LRP1B: variants seen among roughly 807,000 people sequenced by gnomAD.
The protein encoded by LRP1B is low-density lipoprotein receptor-related protein 1B.
LRP1B carries 217 observed loss-of-function variants against 556.6 expected under a neutral mutation model. The ratio of observed to expected loss-of-function variants is 0.39; its 90% CI spans 0.35 to 0.44. The LOEUF (loss-of-function observed/expected upper bound fraction) is 0.44, where lower values mean the gene tolerates loss of function less well. Ranked by LOEUF, LRP1B falls within the 20% of genes least tolerant of loss-of-function variation. The pLI, the probability that LRP1B is intolerant of heterozygous loss-of-function variation, is 1.00. For synonymous variants in LRP1B, 2,047 were observed against 1,865.8 expected (o/e 1.10, Z -2.50); for missense variants, 5,053 against 5,620.8 (o/e 0.90, Z 3.23).
At chr2:140,233,374 C>T (rs756698688) in intron 90 of LRP1B, 48 bp from the exon 91 acceptor site, 2 of 1,355,596 alleles carry the variant, frequency 1.5e-6, no homozygotes, top group East Asian at 5.1e-5. Flanking sequence ...GTCTTGGCCA[C>T]ATTAATTATT....
intron 3 of LRP1B, among the ~76,000 whole-genome samples, chr2:141,295,558 T>C (rs186246238): frequency 1.8e-4 from 28 of 152,168 alleles, no homozygotes; most frequent in African/African-American, 6.8e-4. Flanking sequence ...CTCTTTAGCA[T>C]TTGTTTCCTC....
intron 2 of LRP1B, among the ~76,000 whole-genome samples, chr2:141,741,318 C>T (rs899709841): frequency 9.3e-6 from 1 of 108,054 alleles, no homozygotes; most frequent in African/African-American, 3.6e-5. Flanking sequence ...AGTAGGATTA[C>T]TAGACATTAC....
At chr2:141,602,188 T>C (rs1326354811) in intron 2 of LRP1B, among the ~76,000 whole-genome samples, 1 of 152,186 alleles carries the variant, frequency 6.6e-6, no homozygotes, top group African/African-American at 2.4e-5. Context: ...GGTCTCTGAA[T>C]AGTCTTCAGT....
chr2:141,084,114 A>G (rs1699989710), intron 7 of LRP1B, among the ~76,000 whole-genome samples: 1 of 152,312 alleles, frequency 6.6e-6, no homozygotes, highest in South Asian at 2.1e-4. Flanking sequence ...TTAGTAGAGT[A>G]CCTGGCATTT....
rs116842410 is a variant in LRP1B, at chr2:140,401,829, C to T, written c.10415-15820G>A. Among the ~76,000 whole-genome samples, 247 of 152,320 alleles carry T rather than the reference C, an allele frequency of 1.6e-3. 4 individuals are homozygous for T. The East Asian group carries it at 0.042, about 26-fold the overall frequency. On this transcript the variant is annotated intron_variant, in intron 66 of 90. Coordinates refer to ENST00000389484, the MANE Select transcript of LRP1B (RefSeq NM_018557.3). ...AGATAAAACCAGTGTGCAATCTCAG[C>T]TATCACCATTGCCTGCAACACCCTG...
intron 1 of LRP1B, among the ~76,000 whole-genome samples, chr2:141,969,769 A>C (rs1372906083): frequency 6.6e-6 from 1 of 151,590 alleles, no homozygotes; most frequent in African/African-American, 2.4e-5. Context: ...ATCCTGGTAG[A>C]GGGATTTACT....
chr2:141,712,634 G>A (rs1692403561), intron 2 of LRP1B, among the ~76,000 whole-genome samples: 1 of 151,926 alleles, frequency 6.6e-6, no homozygotes, highest in African/African-American at 2.4e-5. Flanking sequence ...CATACTGAGT[G>A]CTCAGTAAAC....
chr2:141,861,790 C>G (rs1356374673), intron 1 of LRP1B, among the ~76,000 whole-genome samples: 2 of 151,986 alleles, frequency 1.3e-5, no homozygotes, highest in African/African-American at 4.8e-5. Context: ...ATTAGCCGGG[C>G]ATGATGGCAG....
chr2:141,186,309 G>A, intron 7 of LRP1B, among the ~76,000 whole-genome samples: 1 of 148,466 alleles, frequency 6.7e-6, no homozygotes, highest in Non-Finnish European at 1.5e-5. Context: ...GGAATTTTAG[G>A]CGCAGAACAT....
At chr2:141,768,873 A>ATGTGTGTG (rs57439402) in intron 2 of LRP1B, among the ~76,000 whole-genome samples, 1 of 150,670 alleles carries the variant, frequency 6.6e-6, no homozygotes, top group Non-Finnish European at 1.5e-5. Flanking sequence ...AGATACAGAT[A>ATGTGTGTG]TGTGTGTGTG....
intron 18 of LRP1B, among the ~76,000 whole-genome samples, chr2:140,955,096 C>T (rs936174500): frequency 6.6e-6 from 1 of 151,878 alleles, no homozygotes; most frequent in African/African-American, 2.4e-5. Context: ...ATCAAGAAGT[C>T]AGAAGAGATA....
chr2:141,000,427 G>A (rs959834989), intron 15 of LRP1B, among the ~76,000 whole-genome samples: 1 of 152,112 alleles, frequency 6.6e-6, no homozygotes, highest in Non-Finnish European at 1.5e-5. Context: ...AGGTTCTTAA[G>A]TGGATGTGAG....
At chr2:141,531,164 T>C (rs1684858826) in intron 2 of LRP1B, among the ~76,000 whole-genome samples, 1 of 152,116 alleles carries the variant, frequency 6.6e-6, no homozygotes, top group South Asian at 2.1e-4. Flanking sequence ...GCTCTGTACC[T>C]GGGAGAGTTA....
At chr2:140,672,092 A>T (rs1376831406) in intron 41 of LRP1B, among the ~76,000 whole-genome samples, 4 of 152,202 alleles carry the variant, frequency 2.6e-5, no homozygotes, top group Non-Finnish European at 5.9e-5. Context: ...GGACCTGTAA[A>T]ACTAGAAAAT....
chr2:141,594,255 T>C (rs2105298905), intron 2 of LRP1B, among the ~76,000 whole-genome samples: 1 of 152,236 alleles, frequency 6.6e-6, no homozygotes, highest in South Asian at 2.1e-4. Context: ...GGTGTGTGTG[T>C]GCCTAATTCT....
In LRP1B at chr2:141,362,491, T is replaced by C. The variant is rs146800980; in HGVS notation, c.344-107850A>G. Among the ~76,000 whole-genome samples the C allele has an allele frequency of 5.0e-3, 764 of 152,338 alleles. 9 individuals carry two copies. The highest frequency in any genetic ancestry group is 0.018 in the African/African-American group (738 of 41,582). On this transcript the variant is annotated intron_variant, in intron 3 of 90. Coordinates refer to ENST00000389484, the MANE Select transcript of LRP1B (RefSeq NM_018557.3). ...AAGGAAACTCCGTGTGAGCAGCGAA[T>C]GGCTAGACCAGCAGTAAAACTTTGC...
At chr2:141,138,439 G>T (rs1171687755) in intron 7 of LRP1B, among the ~76,000 whole-genome samples, 1 of 151,914 alleles carries the variant, frequency 6.6e-6, no homozygotes, top group East Asian at 1.9e-4. Context: ...GCAAGAAAAA[G>T]AATTAAAAGA....
chr2:141,088,970 C>T (rs1300261547), intron 7 of LRP1B, among the ~76,000 whole-genome samples: 1 of 152,120 alleles, frequency 6.6e-6, no homozygotes, highest in African/African-American at 2.4e-5. Context: ...AAAAGTCATA[C>T]ATGTTATATC....
intron 2 of LRP1B, among the ~76,000 whole-genome samples, chr2:141,614,362 A>G (rs1688222222): frequency 6.6e-6 from 1 of 152,184 alleles, no homozygotes; most frequent in South Asian, 2.1e-4. Context: ...ACTCATCACC[A>G]TCTATAATAT....
Sources: allele counts gnomAD v4.1 joint callset (sites outside exome capture counted in the v4.1 genomes callset), GRCh38; gene constraint gnomAD v4.1.1; transcripts MANE v1.5; gene names NCBI Gene and HGNC (gene_info 2026-07-23, HGNC 2026-07-21).